The following TJAP1 variants were observed in gnomAD, a reference collection of about 807,000 sequenced individuals.
TJAP1 encodes the protein tight junction associated protein 1, also known as tight junction-associated protein 1.
Under a neutral mutation model 42.0 loss-of-function variants are expected in TJAP1, and 27 were observed. That is an observed-to-expected ratio of 0.64 (90% CI 0.47 to 0.89). The LOEUF is 0.89. Among genes scored for constraint, TJAP1 ranks in the 40% least tolerant of loss-of-function variants. The probability of loss-of-function intolerance (pLI) is 0.00; values close to 1 mark genes in which losing one functional copy is unlikely to be tolerated. For missense variants in TJAP1, 712 were observed against 726.9 expected (o/e 0.98, Z 0.24); for synonymous variants, 257 against 288.4 (o/e 0.89, Z 1.10).
intron 6 of TJAP1, among the ~76,000 whole-genome samples, 172 bp from the exon 7 acceptor site, chr6:43,502,111 C>CTCTCTCTCCT (rs70990195): frequency 6.8e-6 from 1 of 148,094 alleles, no homozygotes; most frequent in African/African-American, 2.5e-5. Context: ...CTCTCTCTCT[C>CTCTCTCTCCT]CTTTCATAGG....
At chr6:43,483,350 T>A (rs773722984) in intron 2 of TJAP1, among the ~76,000 whole-genome samples, 1 of 152,242 alleles carries the variant, frequency 6.6e-6, no homozygotes, top group Non-Finnish European at 1.5e-5. Flanking sequence ...TAGTTTCATC[T>A]TCTTTGCCCA....
chr6:43,495,712 A>T lies in TJAP1; in HGVS notation c.-121-2169A>T, dbSNP rs571106538. 6.6e-6 allele frequency among the ~76,000 whole-genome samples: 1 copy of T among 152,164 alleles called. No individual in the cohort carries two copies. Among genetic ancestry groups the T allele is most frequent in the Non-Finnish European group, 1.5e-5 (1 of 68,026 alleles). ...TGCATTTACTGCCTGTCCCACTGCC[A>T]GCTACCTTCTCAGGATACTCCTTGC... is the stretch of plus-strand genomic sequence containing the variant. On this transcript the variant is annotated intron_variant, in intron 2 of 10. Coordinates refer to ENST00000372449, the Ensembl canonical transcript of TJAP1. This position sits in a 1 kb window ranked among gnomAD's most constrained non-coding sequence, Gnocchi z 4.6.
At chr6:43,496,288 G>A (rs1215301375) in intron 2 of TJAP1, among the ~76,000 whole-genome samples, 1 of 152,122 alleles carries the variant, frequency 6.6e-6, no homozygotes, top group South Asian at 2.1e-4. Flanking sequence ...TACCCAGGTG[G>A]GTTTAGGACT....
Position 43,505,945 on chromosome 6 carries a change from G to A in TJAP1, c.*90G>A, listed in dbSNP as rs188240163. 3.0e-4 allele frequency: 413 copies of A among 1,361,976 alleles called. 2 individuals are homozygous for A. In the African/African-American group the frequency reaches 5.3e-3, roughly 17 times the overall value. The allele number at this position is 1,361,976 out of a possible 1,614,324, so 84.4% of individuals were successfully genotyped here. On this transcript the variant is annotated 3_prime_UTR_variant, in exon 11 of 11. Coordinates refer to ENST00000372449, the Ensembl canonical transcript of TJAP1. This position sits in a 1 kb window ranked among gnomAD's most constrained non-coding sequence, Gnocchi z 5.5. Reference sequence around the variant, plus strand: ...CTCAGGGTCCCCAGTCCAAGCCCTTGACCTCTCCTCTATCCAGACCCGCAC... The same window carrying A: ...CTCAGGGTCCCCAGTCCAAGCCCTTAACCTCTCCTCTATCCAGACCCGCAC...
intron 2 of TJAP1, among the ~76,000 whole-genome samples, chr6:43,483,960 A>T (rs1785865394): frequency 6.6e-6 from 1 of 152,074 alleles, no homozygotes; most frequent in Non-Finnish European, 1.5e-5. Context: ...AACCCTCAGG[A>T]GGAGGCTGAG....
At chr6:43,485,790 A>G (rs1220987804) in intron 2 of TJAP1, among the ~76,000 whole-genome samples, 1 of 152,220 alleles carries the variant, frequency 6.6e-6, no homozygotes, top group Non-Finnish European at 1.5e-5. Context: ...AGTGGGATTA[A>G]AGAAGATGGA....
At chr6:43,498,084 G>C (rs1789628087) in intron 3 of TJAP1, 107 bp downstream of exon 3, 1 of 152,270 alleles carries the variant, frequency 6.6e-6, no homozygotes, top group African/African-American at 2.4e-5. Context: ...TGAAAAGAGT[G>C]GTGGAGGCCA....
chr6:43,501,758 ACT>A lies in TJAP1; in HGVS notation c.290+78_290+79del, dbSNP rs1283037495. On this transcript the variant is annotated intron_variant, in intron 6 of 10. Coordinates refer to ENST00000372449, the Ensembl canonical transcript of TJAP1. Reference sequence around the variant, plus strand: ...CACACACACACACACACACACACACACTCTCTCTGTCTCTCTCTCTCTCTGTG... The same window carrying A: ...CACACACACACACACACACACACACACTCTCTGTCTCTCTCTCTCTCTGTG... 1.8e-3 allele frequency: 909 copies of A among 493,204 alleles called. 13 individuals are homozygous for A. In the African/African-American group the frequency reaches 0.02, roughly 11 times the overall value. The allele number at this position is 493,204 out of a possible 1,614,324, so 30.6% of individuals were successfully genotyped here.
At chr6:43,504,638 A>C (rs947748693) in intron 10 of TJAP1, 123 bp from the exon 11 acceptor site, 2 of 1,231,698 alleles carry the variant, frequency 1.6e-6, no homozygotes, top group African/African-American at 1.5e-5. Context: ...CTGTAAGAAC[A>C]GGAGATAGCA....
rs796459424 is a variant in TJAP1, at chr6:43,501,767, G to GTC, written c.290+94_290+95dup. The GTC allele has an allele frequency of 4.2e-4, 204 of 488,386 alleles. 1 individual carries two copies. The highest frequency in any genetic ancestry group is 2.8e-3 in the African/African-American group (77 of 27,028). 30.3% of individuals were successfully genotyped at this position (488,386 alleles called of 1,614,324 possible). A position where few individuals can be genotyped will look rare whatever the true frequency, so the allele number is the denominator to read the frequency against. On this transcript the variant is annotated intron_variant, in intron 6 of 10. Coordinates refer to ENST00000372449, the Ensembl canonical transcript of TJAP1. The stretch of plus-strand genomic sequence containing the variant: ...ACACACACACACACACACTCTCTCT[G>GTC]TCTCTCTCTCTCTCTGTGTCTCTGT...
At chr6:43,494,674 C>T (rs1224722537) in intron 2 of TJAP1, among the ~76,000 whole-genome samples, 4 of 122,844 alleles carry the variant, frequency 3.3e-5, no homozygotes, top group African/African-American at 7.0e-5. Flanking sequence ...TTTTTTGAGA[C>T]GGAGTCTCTG....
chr6:43,488,504 C>T (rs977327678), intron 2 of TJAP1, among the ~76,000 whole-genome samples: 2 of 152,228 alleles, frequency 1.3e-5, no homozygotes, highest in Non-Finnish European at 2.9e-5. Context: ...TGGGCATTGG[C>T]ACTCCCATCT....
chr6:43,492,458 C>G lies in TJAP1; in HGVS notation c.-121-5423C>G, dbSNP rs945194177. On this transcript the variant is annotated intron_variant, in intron 2 of 10. Transcript: ENST00000372449. This position sits in a 1 kb window ranked among gnomAD's most constrained non-coding sequence, Gnocchi z 4.2. ...CCAGAGCAGAACCTCTGCCCAGTCC[C>G]CACCCTATGAGCTGTTGGCTGCCTG... 1.3e-5 allele frequency among the ~76,000 whole-genome samples: 2 copies of G among 152,156 alleles called. No individual in the cohort carries two copies. Among genetic ancestry groups the G allele is most frequent in the African/African-American group, 2.4e-5 (1 of 41,428 alleles).
At chr6:43,503,318 G>A (rs747939180) in intron 8 of TJAP1, 83 bp from the exon 9 acceptor site, 751 of 1,079,546 alleles carry the variant, frequency 7.0e-4, no homozygotes, top group Non-Finnish European at 9.5e-4. Flanking sequence ...GTGGCCTCTT[G>A]TGTCTCCAGG....
rs1316485533 is a variant in TJAP1, at chr6:43,491,917, C to T, written c.-121-5964C>T. 1.3e-5 allele frequency among the ~76,000 whole-genome samples: 2 copies of T among 152,210 alleles called. No homozygotes were observed. Among genetic ancestry groups the T allele is most frequent in the Admixed American group, 1.3e-4 (2 of 15,278 alleles). On this transcript the variant is annotated intron_variant, in intron 2 of 10. Transcript: ENST00000372449. The surrounding 1 kb of genome is among the most constrained non-coding windows in gnomAD (Gnocchi z 4.6). The stretch of plus-strand genomic sequence containing the variant: ...GTTAACAAGCTGGAGGCTTTCTTGA[C>T]TTGGCTCTGACCAGGAAAGCAAAAG...
Position 43,501,707 on chromosome 6 carries a change from GACACACACACACAC to G in TJAP1, c.290+59_290+72del, listed in dbSNP as rs70990192. On this transcript the variant is annotated intron_variant, in intron 6 of 10. Transcript: ENST00000372449. ...CCGCAGGTGTGGGAATGAGGGGCCAGACACACACACACACACACACACACACACACACACACACA... is the reference window on the plus strand; with the variant it reads ...CCGCAGGTGTGGGAATGAGGGGCCAGACACACACACACACACACACACACA... 2.4e-3 allele frequency: 1,388 copies of G among 571,318 alleles called. No homozygotes were observed. Among genetic ancestry groups the G allele is most frequent in the Middle Eastern group, 4.0e-3 (9 of 2,232 alleles). 35.4% of individuals were successfully genotyped at this position (571,318 alleles called of 1,614,324 possible).
At chr6:43,500,255 TCTC>T (rs1212286933) in intron 4 of TJAP1, among the ~76,000 whole-genome samples, 1 of 152,224 alleles carries the variant, frequency 6.6e-6, no homozygotes, top group Non-Finnish European at 1.5e-5. Context: ...TTAGTCCTCT[TCTC>T]CCATGCACTT....
intron 2 of TJAP1, among the ~76,000 whole-genome samples, chr6:43,490,996 C>T (rs1787683496): frequency 6.6e-6 from 1 of 152,172 alleles, no homozygotes; most frequent in African/African-American, 2.4e-5. Context: ...ACACAGGTCA[C>T]TCTAGATAGA....
chr6:43,482,993 G>A (rs922295223), intron 2 of TJAP1, among the ~76,000 whole-genome samples: 3 of 152,046 alleles, frequency 2.0e-5, no homozygotes, highest in African/African-American at 4.8e-5. Context: ...GTGGTGGTGC[G>A]TACCTGCAAT....
Sources: allele counts gnomAD v4.1 joint callset (sites outside exome capture counted in the v4.1 genomes callset), GRCh38; gene constraint gnomAD v4.1.1; non-coding constraint Gnocchi (gnomAD v3.1); transcripts MANE v1.5; gene names NCBI Gene and HGNC (gene_info 2026-07-23, HGNC 2026-07-21).